The following PCCB variants were observed in gnomAD, a reference collection of about 807,000 sequenced individuals.
PCCB encodes the protein propionyl-CoA carboxylase beta chain, mitochondrial.
Under a neutral mutation model 60.7 loss-of-function variants are expected in PCCB, and 43 were observed. The ratio of observed to expected loss-of-function variants is 0.71; its 90% CI spans 0.55 to 0.91. The LOEUF (loss-of-function observed/expected upper bound fraction) is 0.91, where lower values mean the gene tolerates loss of function less well. PCCB is among the 40% of genes least tolerant of loss of function. The probability of loss-of-function intolerance (pLI) is 0.00; values close to 1 mark genes in which losing one functional copy is unlikely to be tolerated. For synonymous variants in PCCB, 276 were observed against 255.9 expected (o/e 1.08, Z -0.75); for missense variants, 766 against 702.8 (o/e 1.09, Z -1.02).
In PCCB at chr3:136,278,711, T is replaced by C. The variant is rs1029692027; in HGVS notation, c.544-5126T>C. Among the ~76,000 whole-genome samples, 5 of 152,358 alleles carry C rather than the reference T, an allele frequency of 3.3e-5. No homozygotes were observed. The South Asian group carries it at 1.0e-3, about 32-fold the overall frequency. ...ATTTAAGATTTGTTTTGTGGATTAA[T>C]GTATGGTCTCTCCTGGAGAATGTTG... On this transcript the variant is annotated intron_variant, in intron 5 of 14. Transcript: ENST00000251654.
chr3:136,297,975 A>G lies in PCCB; in HGVS notation c.787A>G (p.Asn263Asp), dbSNP rs529945350. The change falls in exon 8 of 15, where the codon AAT becomes GAT. Residue 263 changes from asparagine (N) to aspartate (D), a missense_variant. Transcript: ENST00000251654. ...MSGVAHRAFE[N>D]DVDALCNLRD... ...AGGTGTGGCCCACAGAGCTTTTGAAAATGATGTTGATGCCTTGTGTAATCT... is the reference window on the plus strand; with the variant it reads ...AGGTGTGGCCCACAGAGCTTTTGAAGATGATGTTGATGCCTTGTGTAATCT... 23 of 1,614,160 alleles carry G rather than the reference A, an allele frequency of 1.4e-5. No individual in the cohort carries two copies. The East Asian group carries it at 4.9e-4, about 34-fold the overall frequency.
chr3:136,251,274 G>A (rs761656941), intron 1 of PCCB: 3 of 456,694 alleles, frequency 6.6e-6, no homozygotes, highest in South Asian at 4.6e-5. Flanking sequence ...AGATAAGCTG[G>A]GCGGCCCATT....
At chr3:136,286,071 C>T (rs1232092401) in intron 6 of PCCB, among the ~76,000 whole-genome samples, 2 of 152,180 alleles carry the variant, frequency 1.3e-5, no homozygotes, top group Non-Finnish European at 2.9e-5. Context: ...TATAAAACTA[C>T]AATAACTAAA....
chr3:136,321,294 G>A (rs966990388), intron 10 of PCCB, among the ~76,000 whole-genome samples: 5 of 152,190 alleles, frequency 3.3e-5, no homozygotes, highest in Non-Finnish European at 5.9e-5. Context: ...CACATGCACA[G>A]CCTCCATATG....
chr3:136,293,684 C>T, intron 6 of PCCB, 72 bp from the exon 7 acceptor site: 1 of 935,004 alleles, frequency 1.1e-6, no homozygotes, highest in Non-Finnish European at 1.8e-6. Flanking sequence ...GTCATCTTGG[C>T]TGAATCAACT....
intron 5 of PCCB, among the ~76,000 whole-genome samples, chr3:136,264,895 AG>A (rs1209275041): frequency 2.1e-5 from 3 of 143,554 alleles, no homozygotes; most frequent in Non-Finnish European, 4.5e-5. Context: ...AAAAAAAAAA[AG>A]AGCTTAATGC....
rs953964185 is a variant in PCCB, at chr3:136,307,801, C to T, written c.966+6690C>T. Among the ~76,000 whole-genome samples the T allele has an allele frequency of 6.6e-5, 10 of 151,796 alleles. No individual in the cohort carries two copies. In the South Asian group the frequency reaches 1.3e-3, roughly 19 times the overall value. ...GACCAGCCTGACCAACATGGAGAAA[C>T]CCTATCTCTACTGAAAATACAAAAT... On this transcript the variant is annotated intron_variant, in intron 9 of 14. Coordinates refer to ENST00000251654, the MANE Select transcript of PCCB (RefSeq NM_000532.5).
intron 5 of PCCB, among the ~76,000 whole-genome samples, chr3:136,282,695 T>C (rs927294430): frequency 8.5e-5 from 13 of 152,294 alleles, no homozygotes; most frequent in African/African-American, 3.1e-4. Flanking sequence ...GAACTATACT[T>C]ATGCAGTGTT....
chr3:136,268,890 G>T lies in PCCB; in HGVS notation c.543+6825G>T, dbSNP rs115949527. On this transcript the variant is annotated intron_variant, in intron 5 of 14. Transcript: ENST00000251654. ...GTCTTCCACTCCACGTAGATGGAAT[G>T]TTTCTCTGTTTATGTAGCTCTATAC... Among the ~76,000 whole-genome samples the T allele has an allele frequency of 7.6e-3, 1,151 of 152,290 alleles. 12 individuals are homozygous for T. Among genetic ancestry groups the T allele is most frequent in the Non-Finnish European group, 9.6e-3 (651 of 68,010 alleles).
At chr3:136,268,091 T>TAGATATAG (rs1464366704) in intron 5 of PCCB, among the ~76,000 whole-genome samples, 1 of 49,682 alleles carries the variant, frequency 2.0e-5, no homozygotes, top group African/African-American at 1.1e-4. Context: ...TGTGTAGATA[T>TAGATATAG]ATATATATAT....
At chr3:136,263,559 A>C (rs1390083582) in intron 5 of PCCB, among the ~76,000 whole-genome samples, 1 of 152,006 alleles carries the variant, frequency 6.6e-6, no homozygotes, top group East Asian at 1.9e-4. Flanking sequence ...GGAGTGAGTC[A>C]CCACGCCTGG....
At chr3:136,266,488 C>T (rs991021330) in intron 5 of PCCB, among the ~76,000 whole-genome samples, 7 of 152,054 alleles carry the variant, frequency 4.6e-5, no homozygotes, top group African/African-American at 1.4e-4. Flanking sequence ...GTGGCATGAT[C>T]ACAGCTCACT....
chr3:136,320,378 T>G (rs1328415612), intron 10 of PCCB, among the ~76,000 whole-genome samples: 1 of 152,234 alleles, frequency 6.6e-6, no homozygotes, highest in Non-Finnish European at 1.5e-5. Flanking sequence ...CAGCTGTGTT[T>G]TGTAGTTTTC....
Position 136,317,082 on chromosome 3 carries a change from T to G in PCCB, c.1090+18T>G. On this transcript the variant is annotated intron_variant, in intron 10 of 14. Transcript: ENST00000251654. ...GGCCTCAGGTAGGATGGAGCTCTTA[T>G]AAGCCTTGGTTTTGGGGTTGGAGGC... is the stretch of plus-strand genomic sequence containing the variant. 1 of 1,614,094 alleles carries G rather than the reference T, an allele frequency of 6.2e-7. No homozygotes were observed. The highest frequency in any genetic ancestry group is 8.5e-7 in the Non-Finnish European group (1 of 1,179,966).
rs1935349214 is a variant in PCCB at position 136,327,140 on chromosome 3, CTT to C, written c.1199-14_1199-13del. On this transcript the variant is annotated splice_polypyrimidine_tract_variant and intron_variant, in intron 11 of 14. Coordinates refer to ENST00000251654, the MANE Select transcript of PCCB (RefSeq NM_000532.5). ...GAGGACTTGTGGGTATCTAGTAACT[CTT>C]CCTCATGTCTAGGCACAGCACAGGA... The C allele has an allele frequency of 6.2e-7, 1 of 1,611,390 alleles. No individual in the cohort carries two copies.
intron 2 of PCCB, 82 bp downstream of exon 2, chr3:136,256,057 G>A: frequency 6.2e-7 from 1 of 1,602,886 alleles, no homozygotes; most frequent in African/African-American, 1.3e-5. Context: ...AAATCTATAA[G>A]GCTTTTATCT....
chr3:136,326,364 C>T (rs1935309919), intron 10 of PCCB: 1 of 702,782 alleles, frequency 1.4e-6, no homozygotes, highest in African/African-American at 1.7e-5. Context: ...TGCTAGGAGG[C>T]AGTATCGTCC....
At chr3:136,307,518 G>C (rs1391128883) in intron 9 of PCCB, among the ~76,000 whole-genome samples, 1 of 151,750 alleles carries the variant, frequency 6.6e-6, no homozygotes, top group Non-Finnish European at 1.5e-5. Context: ...TGAACTAAAG[G>C]CATCAAAAGG....
At chr3:136,280,457 C>G (rs963196935) in intron 5 of PCCB, among the ~76,000 whole-genome samples, 1 of 152,122 alleles carries the variant, frequency 6.6e-6, no homozygotes, top group Non-Finnish European at 1.5e-5. Flanking sequence ...ATGATTCTCC[C>G]TCCTCAGCCT....
Sources: allele counts gnomAD v4.1 joint callset (sites outside exome capture counted in the v4.1 genomes callset), GRCh38; gene constraint gnomAD v4.1.1; transcripts MANE v1.5; gene names NCBI Gene and HGNC (gene_info 2026-07-23, HGNC 2026-07-21).